The following DCTN1 variants were observed in gnomAD, a reference collection of about 807,000 sequenced individuals.
DCTN1 encodes 150 kDa dynein-associated polypeptide.
Under a neutral mutation model 161.2 loss-of-function variants are expected in DCTN1, and 61 were observed. The ratio of observed to expected loss-of-function variants is 0.38; its 90% confidence interval spans 0.31 to 0.47. The LOEUF (loss-of-function observed/expected upper bound fraction) is 0.47, where lower values mean the gene tolerates loss of function less well. DCTN1 is among the 20% of genes least tolerant of loss of function. The probability of loss-of-function intolerance (pLI) is 0.99; values close to 1 mark genes in which losing one functional copy is unlikely to be tolerated. For synonymous variants in DCTN1, 653 were observed against 632.4 expected, an observed-to-expected ratio of 1.03 and a Z score of -0.49; for missense variants, 1,404 against 1,623.7, an observed-to-expected ratio of 0.86 and a Z score of 2.33.
intron 8 of DCTN1, 175 bp downstream of exon 8, chr2:74,371,362 G>A: frequency 7.4e-7 from 1 of 1,357,560 alleles, no homozygotes; most frequent in Non-Finnish European, 1.0e-6. Flanking sequence ...TATGGCATAA[G>A]GGCAAGAAAG....
At chr2:74,377,557 C>A (rs1193618112) in intron 3 of DCTN1, 91 bp from the exon 4 acceptor site, 1 of 1,526,070 alleles carries the variant, frequency 6.6e-7, no homozygotes, top group East Asian at 2.2e-5. Flanking sequence ...GGAAAAAAAT[C>A]TTAGGATCTA....
rs1250718116 is a variant in DCTN1, at chr2:74,366,485, C to T, written c.2602G>A (p.Glu868Lys). 3 of 1,614,190 alleles carry T rather than the reference C, an allele frequency of 1.9e-6. No homozygotes were observed. In the East Asian group the frequency reaches 6.7e-5, roughly 36 times the overall value. Residue 868 changes from glutamate to lysine, a missense_variant, in exon 22 of 32, where the codon GAA becomes AAA. By Grantham distance (56) the Glu-to-Lys change is moderately conservative. Transcript: ENST00000628224. ...NEGLLVAALE[E>K]LAFKASEQIY... The stretch of plus-strand genomic sequence containing the variant: ...TGCTCGCTTGCTTTGAAAGCCAGTT[C>T]CTCCAGAGCAGCCACAAGTAGCCCC...
rs1558941926 is a variant in DCTN1 at position 74,370,548 on chromosome 2, G to GAGAT, written c.1049-5_1049-4insATCT. Reference sequence around the variant, plus strand: ...CTGGATGCAGCGCCATCTGAGCCTGGAGAAGATCATTAACACTTTCAGGCA... The same window carrying GAGAT: ...CTGGATGCAGCGCCATCTGAGCCTGGAGATAGAAGATCATTAACACTTTCAGGCA... On this transcript the variant is annotated splice_polypyrimidine_tract_variant and splice_region_variant and intron_variant, in intron 10 of 31. Coordinates refer to ENST00000628224, the MANE Select transcript of DCTN1 (RefSeq NM_004082.5). The surrounding 1 kb of genome is among the most constrained non-coding windows in gnomAD (Gnocchi z 4.4). The GAGAT allele has an allele frequency of 6.2e-7, 1 of 1,614,092 alleles. No individual in the cohort carries two copies. Among genetic ancestry groups the GAGAT allele is most frequent in the Non-Finnish European group, 8.5e-7 (1 of 1,180,028 alleles).
rs1573161529 is a variant in DCTN1 at position 74,370,041 on chromosome 2, A to G, written c.1316T>C (p.Met439Thr). 8.7e-6 allele frequency: 14 copies of G among 1,614,162 alleles called. No homozygotes were observed. The highest frequency in any genetic ancestry group is 1.1e-5 in the Non-Finnish European group (13 of 1,180,020). ...QVDAALGAEE[M>T]VEMLTDRNLN... ...GTTCCGATCTGTCAGCATCTCCACC[A>G]TCTCCTCAGCACCCAGAGCAGCATC... The change falls in exon 13 of 32, where the codon ATG (methionine) becomes ACG (threonine). Residue 439 changes from methionine to threonine, a missense_variant. Around this residue, in one of 9 missense-constraint regions of DCTN1, gnomAD observed 278 missense variants for 363.8 expected, o/e 0.76. Transcript: ENST00000628224. This position sits in a 1 kb window ranked among gnomAD's most constrained non-coding sequence, Gnocchi z 4.4.
rs200611961 is a variant in DCTN1, at chr2:74,367,064, C to T, written c.2297G>A (p.Arg766Gln). 2.5e-6 allele frequency: 4 copies of T among 1,614,192 alleles called. No homozygotes were observed. The highest frequency in any genetic ancestry group is 1.3e-5 in the African/African-American group (1 of 75,044). ...TCTCACCTGCAAGAAGGCACGCAGC[C>T]GTCCTACCTCCACACTCATGCAGTC... ...ALDCMSVEVG[R>Q]LRAFLQGGQE... Residue 766 changes from arginine (R) to glutamine (Q), a missense_variant, in exon 20 of 32, where the codon CGG becomes CAG. Around this residue, in one of 9 missense-constraint regions of DCTN1, gnomAD observed 475 missense variants for 489.8 expected, o/e 0.97. Coordinates refer to ENST00000628224, the MANE Select transcript of DCTN1 (RefSeq NM_004082.5).
At chr2:74,363,765 C>A in intron 26 of DCTN1, 137 bp from the exon 27 acceptor site, 1 of 1,165,694 alleles carries the variant, frequency 8.6e-7, no homozygotes, top group South Asian at 1.3e-5. Context: ...CATACTTTCT[C>A]TAACAAGACT....
chr2:74,373,030 C>T, intron 6 of DCTN1, 82 bp from the exon 7 acceptor site: 2 of 1,295,586 alleles, frequency 1.5e-6, no homozygotes, highest in South Asian at 1.2e-5. Flanking sequence ...AAAGGGACAG[C>T]AATGAGAGCA....
At position 74,369,379 on chromosome 2, in the gene DCTN1, C is replaced by T. The variant is rs780066070; in HGVS notation, c.1505G>A (p.Arg502His). The change falls in exon 14 of 32, where the codon CGT (arginine) becomes CAT (histidine). Residue 502 changes from arginine (R) to histidine (H), a missense_variant. Physicochemically the swap from Arg to His is conservative, Grantham distance 29. Coordinates refer to ENST00000628224, the MANE Select transcript of DCTN1 (RefSeq NM_004082.5). The surrounding 1 kb of genome is among the most constrained non-coding windows in gnomAD (Gnocchi z 4.9). ...AGARVREAQK[R>H]VEAAQETVAD... is the part of the protein sequence containing the mutation. ...AACCGTCTCCTGGGCTGCCTCCACA[C>T]GCTTCTGGGCCTCACGAACCCGCGC... is the stretch of plus-strand genomic sequence containing the variant. 2.0e-5 allele frequency: 32 copies of T among 1,614,098 alleles called. No homozygotes were observed. Among genetic ancestry groups the T allele is most frequent in the Admixed American group, 3.3e-5 (2 of 60,010 alleles).
intron 1 of DCTN1, among the ~76,000 whole-genome samples, chr2:74,388,680 C>A (rs1443767279): frequency 6.6e-6 from 1 of 152,220 alleles, no homozygotes; most frequent in Non-Finnish European, 1.5e-5. Flanking sequence ...AAAATATCAT[C>A]TCTTACTCTA....
At chr2:74,374,192 C>T in intron 6 of DCTN1, 131 bp downstream of exon 6, 1 of 934,432 alleles carries the variant, frequency 1.1e-6, no homozygotes, top group Non-Finnish European at 1.7e-6. Flanking sequence ...CTCCCTAACC[C>T]ACCTTCGTCC....
chr2:74,361,770 GACC>G (rs1674012602), intron 31 of DCTN1, 134 bp from the exon 32 acceptor site: 19 of 1,150,762 alleles, frequency 1.7e-5, no homozygotes, highest in Non-Finnish European at 2.4e-5. Flanking sequence ...GGGCTATTGT[GACC>G]ACATTTTTCA....
At position 74,368,729 on chromosome 2, in the gene DCTN1, T is replaced by G. The variant is rs1469569037; in HGVS notation, c.1853A>C (p.Lys618Thr). 6.2e-7 allele frequency: 1 copy of G among 1,614,254 alleles called. No individual in the cohort carries two copies. Among genetic ancestry groups the G allele is most frequent in the Non-Finnish European group, 8.5e-7 (1 of 1,180,052 alleles). The change falls in exon 16 of 32, where the codon AAG (lysine) becomes ACG (threonine). Residue 618 changes from lysine to threonine, a missense_variant and splice_region_variant. By Grantham distance (78) the Lys-to-Thr change is moderately conservative (BLOSUM62 -1). Coordinates refer to ENST00000628224, the MANE Select transcript of DCTN1 (RefSeq NM_004082.5). ...GAACATGTGATTGATTGGCCATACCTTGCAAATGAGACGAGGCATGAGCAA... is the reference window on the plus strand; with the variant it reads ...GAACATGTGATTGATTGGCCATACCGTGCAAATGAGACGAGGCATGAGCAA... ...VLLLMPRLIC[K>T]AELIRKQAQE...
At chr2:74,385,880 A>G (rs1675706899) in intron 1 of DCTN1, 1 of 152,194 alleles carries the variant, frequency 6.6e-6, no homozygotes, top group Non-Finnish European at 1.5e-5. Context: ...GTTAATAATC[A>G]TTATGTTATT....
chr2:74,372,863 C>T, intron 7 of DCTN1, 65 bp downstream of exon 7: 3 of 1,521,570 alleles, frequency 2.0e-6, no homozygotes, highest in Non-Finnish European at 2.7e-6. Context: ...TGCCCTCATA[C>T]ATCCACATGC....
chr2:74,386,470 T>C (rs1573189024), intron 1 of DCTN1: 1 of 152,320 alleles, frequency 6.6e-6, no homozygotes, highest in East Asian at 1.9e-4. Flanking sequence ...ATGTCAGCCA[T>C]TATTATTATG....
rs760745970 is a variant in DCTN1, at chr2:74,370,262, A to G, written c.1211T>C (p.Val404Ala). 13 of 1,613,928 alleles carry G rather than the reference A, an allele frequency of 8.1e-6. No individual in the cohort carries two copies. In the South Asian group the frequency reaches 1.3e-4, roughly 16 times the overall value. ...LMEKKNQELEVVRQQRERLQE... is the reference protein window; with the variant it reads ...LMEKKNQELEAVRQQRERLQE... ...CAGACGCTCCCGCTGTTGCCTCACA[A>G]CTTCCAGCTCTTGGTTCTTCTTTTC... Residue 404 changes from valine (V) to alanine (A), a missense_variant, in exon 12 of 32, where the codon GTT becomes GCT. Coordinates refer to ENST00000628224, the MANE Select transcript of DCTN1 (RefSeq NM_004082.5). The surrounding 1 kb of genome is among the most constrained non-coding windows in gnomAD (Gnocchi z 4.4).
intron 6 of DCTN1, among the ~76,000 whole-genome samples, chr2:74,373,914 T>C (rs1331050476): frequency 6.6e-6 from 1 of 152,138 alleles, no homozygotes; most frequent in East Asian, 1.9e-4. Context: ...ATCCTGGGGA[T>C]TGGGGGATAC....
chr2:74,383,031 C>A (rs1040513273), upstream of DCTN1, among the ~76,000 whole-genome samples: 38 of 151,040 alleles, frequency 2.5e-4, no homozygotes, highest in Non-Finnish European at 4.0e-4. Context: ...GCCGAGATTG[C>A]GCCACTGCAG....
rs560681176 is a variant in DCTN1, at chr2:74,367,262, T to A, written c.2253+90A>T. On this transcript the variant is annotated intron_variant, in intron 19 of 31. Coordinates refer to ENST00000628224, the MANE Select transcript of DCTN1 (RefSeq NM_004082.5). ...CTTTGGTAACTCTGCCCTAGTCTTA[T>A]GTGACACTTCTTGGGTGCCTGATCT... 5 of 1,560,110 alleles carry A rather than the reference T, an allele frequency of 3.2e-6. No individual in the cohort carries two copies. The Admixed American group carries it at 5.2e-5, about 16-fold the overall frequency.
Sources: allele counts gnomAD v4.1 joint callset (sites outside exome capture counted in the v4.1 genomes callset), GRCh38; gene constraint gnomAD v4.1.1; regional missense constraint gnomAD v4.1.1; non-coding constraint Gnocchi (gnomAD v3.1); transcripts MANE v1.5; gene names NCBI Gene and HGNC (gene_info 2026-07-23, HGNC 2026-07-21).